YAF2: variants seen among roughly 807,000 people sequenced by gnomAD.
YAF2 encodes YY1 associated factor 2, also known as YY1-associated factor 2.
A neutral mutation model predicts 20.1 loss-of-function variants in YAF2; 7 were observed. The ratio of observed to expected loss-of-function variants is 0.35; its 90% CI spans 0.20 to 0.65. YAF2 has a LOEUF of 0.65. Among genes scored for constraint, YAF2 ranks in the 30% least tolerant of loss-of-function variants. The pLI, the probability that YAF2 is intolerant of heterozygous loss-of-function variation, is 0.69. For synonymous variants in YAF2, 74 were observed against 76.0 expected (o/e 0.97, Z 0.14); for missense variants, 151 against 219.2 (o/e 0.69, Z 1.96).
chr12:42,174,685 G>A (rs1209655602), intron 2 of YAF2, among the ~76,000 whole-genome samples: 2 of 152,154 alleles, frequency 1.3e-5, no homozygotes, highest in African/African-American at 4.8e-5. Context: ...CACTCCTCTT[G>A]TTGACCTCAT....
At chr12:42,164,726 C>A (rs1464855401) in intron 2 of YAF2, among the ~76,000 whole-genome samples, 2 of 151,860 alleles carry the variant, frequency 1.3e-5, no homozygotes, top group African/African-American at 4.8e-5. Context: ...TGTTGATACT[C>A]TGGCTAACAA....
chr12:42,159,701 A>G lies in YAF2; in HGVS notation c.*888T>C, dbSNP rs2065762991. The G allele has an allele frequency of 6.6e-6, 1 of 152,484 alleles. No individual in the cohort carries two copies. The allele number at this position is 152,484 out of a possible 1,614,324, so 9.4% of individuals were successfully genotyped here. ...CTATGGCCCTGGATAAGTTTGGGACAAGAAAACAATGATAAAACTATCATT... is the reference window on the plus strand; with the variant it reads ...CTATGGCCCTGGATAAGTTTGGGACGAGAAAACAATGATAAAACTATCATT... On this transcript the variant is annotated 3_prime_UTR_variant, in exon 4 of 4. Coordinates refer to ENST00000534854, the MANE Select transcript of YAF2 (RefSeq NM_005748.6).
At chr12:42,200,462 C>T (rs1485194596) in intron 2 of YAF2, among the ~76,000 whole-genome samples, 1 of 152,180 alleles carries the variant, frequency 6.6e-6, no homozygotes, top group African/African-American at 2.4e-5. Flanking sequence ...ATCTCTTTTT[C>T]TACTATACAC....
At chr12:42,185,818 TCGTATGACTTGCTTTGTTGTGATATTTG>T (rs2066458295) in intron 2 of YAF2, among the ~76,000 whole-genome samples, 1 of 152,194 alleles carries the variant, frequency 6.6e-6, no homozygotes, top group South Asian at 2.1e-4. Context: ...ACCAAAAACT[TCGTATGACTTGCTTTGTTGTGATATTTG>T]CTTTACTGCA....
chr12:42,180,576 A>G (rs1241978256), intron 2 of YAF2, among the ~76,000 whole-genome samples: 2 of 152,198 alleles, frequency 1.3e-5, no homozygotes, highest in Non-Finnish European at 2.9e-5. Flanking sequence ...TGAGATATAA[A>G]TGTCGGTAAG....
At chr12:42,203,264 A>C (rs2066948371) in intron 2 of YAF2, among the ~76,000 whole-genome samples, 1 of 152,074 alleles carries the variant, frequency 6.6e-6, no homozygotes, top group African/African-American at 2.4e-5. Flanking sequence ...TATAAAGGAG[A>C]TACTTTTTAT....
Position 42,233,939 on chromosome 12 carries a change from C to T in YAF2, c.152+3660G>A, listed in dbSNP as rs950923742. 19 of 978,396 alleles carry T rather than the reference C, an allele frequency of 1.9e-5. No homozygotes were observed. The East Asian group carries it at 1.0e-3, about 53-fold the overall frequency. 60.6% of individuals were successfully genotyped at this position (978,396 alleles called of 1,614,324 possible). ...TAATCCCAGCACTTTGGGAAGCCGA[C>T]GCAGACGGATCACCTGAGGTCAGGA... On this transcript the variant is annotated intron_variant, in intron 2 of 3. Coordinates refer to ENST00000534854, the MANE Select transcript of YAF2 (RefSeq NM_005748.6).
chr12:42,229,421 TAAAA>T (rs58885852), intron 2 of YAF2, among the ~76,000 whole-genome samples: 1 of 143,242 alleles, frequency 7.0e-6, no homozygotes, highest in Non-Finnish European at 1.5e-5. Flanking sequence ...AAAAATAAAT[TAAAA>T]AAAAAAAAAA....
At chr12:42,237,801 CCCCCG>C in intron 1 of YAF2, 77 bp from the exon 2 acceptor site, 1 of 1,027,468 alleles carries the variant, frequency 9.7e-7, no homozygotes, top group Non-Finnish European at 1.2e-6. Flanking sequence ...CCCGCGGCCG[CCCCCG>C]CCCCGCCCCC....
intron 2 of YAF2, among the ~76,000 whole-genome samples, chr12:42,165,876 T>TTCTA (rs2065904818): frequency 6.7e-6 from 1 of 148,176 alleles, no homozygotes; most frequent in Non-Finnish European, 1.5e-5. Context: ...TGGTTTTAAA[T>TTCTA]TCTATCTATA....
In YAF2 at chr12:42,158,894, A is replaced by T. The variant is rs1592137518; in HGVS notation, c.*1695T>A. ...TTTTTACTATCTCCAAAAATGTATA[A>T]AACATTTGAAACATGTTAAAAACAG... On this transcript the variant is annotated 3_prime_UTR_variant, in exon 4 of 4. Coordinates refer to ENST00000534854, the MANE Select transcript of YAF2 (RefSeq NM_005748.6). 1 of 152,200 alleles carries T rather than the reference A, an allele frequency of 6.6e-6. No individual in the cohort carries two copies. Among genetic ancestry groups the T allele is most frequent in the Admixed American group, 6.5e-5 (1 of 15,270 alleles). 9.4% of individuals were successfully genotyped at this position (152,200 alleles called of 1,614,324 possible).
At chr12:42,214,544 T>C (rs2067300093) in intron 2 of YAF2, among the ~76,000 whole-genome samples, 1 of 151,860 alleles carries the variant, frequency 6.6e-6, no homozygotes, top group South Asian at 2.1e-4. Flanking sequence ...AGTGCTGGGA[T>C]TACAGGTGTG....
rs1356844590 is a variant in YAF2, at chr12:42,158,333, A to G, written c.*2256T>C. On this transcript the variant is annotated 3_prime_UTR_variant, in exon 4 of 4. Coordinates refer to ENST00000534854, the MANE Select transcript of YAF2 (RefSeq NM_005748.6). The stretch of plus-strand genomic sequence containing the variant: ...TTACACTGAAAATTTAGTGAAATCT[A>G]TAAAACACTATTACTTTAGGTCATC... The G allele has an allele frequency of 6.6e-6, 1 of 152,226 alleles. No homozygotes were observed. Among genetic ancestry groups the G allele is most frequent in the Admixed American group, 6.5e-5 (1 of 15,274 alleles). 9.4% of individuals were successfully genotyped at this position (152,226 alleles called of 1,614,324 possible).
intron 2 of YAF2, among the ~76,000 whole-genome samples, chr12:42,192,798 A>C (rs74343037): frequency 1.3e-5 from 2 of 152,192 alleles, no homozygotes; most frequent in African/African-American, 4.8e-5. Flanking sequence ...CATAGTTTAC[A>C]TCTAGTTCTT....
At chr12:42,225,575 C>T (rs745408201) in intron 2 of YAF2, among the ~76,000 whole-genome samples, 57 of 152,188 alleles carry the variant, frequency 3.7e-4, no homozygotes, top group South Asian at 1.5e-3. Context: ...GGAAGGGATC[C>T]AGTTTCAGTT....
At chr12:42,226,745 CAT>C (rs1442576939) in intron 2 of YAF2, among the ~76,000 whole-genome samples, 5 of 152,204 alleles carry the variant, frequency 3.3e-5, no homozygotes, top group African/African-American at 7.2e-5. Context: ...TTTTTACAAA[CAT>C]AGTGTTCAAA....
rs1290656537 is a variant in YAF2 at position 42,158,323 on chromosome 12, A to T, written c.*2266T>A. On this transcript the variant is annotated 3_prime_UTR_variant, in exon 4 of 4. Coordinates refer to ENST00000534854, the MANE Select transcript of YAF2 (RefSeq NM_005748.6). ...ACATCTGATATTACACTGAAAATTT[A>T]GTGAAATCTATAAAACACTATTACT... The T allele has an allele frequency of 1.3e-5, 2 of 152,210 alleles. No homozygotes were observed. The highest frequency in any genetic ancestry group is 4.8e-5 in the African/African-American group (2 of 41,452). The allele number at this position is 152,210 out of a possible 1,614,324, so 9.4% of individuals were successfully genotyped here.
intron 2 of YAF2, among the ~76,000 whole-genome samples, chr12:42,225,913 G>C (rs1828492168): frequency 1.3e-5 from 2 of 152,178 alleles, no homozygotes; most frequent in Non-Finnish European, 2.9e-5. Flanking sequence ...ATTCTGTGAA[G>C]AAAGTCAATG....
intron 2 of YAF2, among the ~76,000 whole-genome samples, chr12:42,215,827 C>A (rs1296035135): frequency 6.6e-6 from 1 of 152,092 alleles, no homozygotes; most frequent in Non-Finnish European, 1.5e-5. Flanking sequence ...GAGGCTGAGG[C>A]AGGAGAATCA....
Sources: gnomAD v4.1 joint callset for allele counts (sites outside exome capture counted in the v4.1 genomes callset) on GRCh38, gnomAD v4.1.1 for gene constraint, MANE v1.5 for transcripts, NCBI Gene and HGNC (gene_info 2026-07-23, HGNC 2026-07-21) for gene names.